The following RBPMS2 variants were observed in gnomAD, a reference collection of about 807,000 sequenced individuals.
The protein encoded by RBPMS2 is RNA binding protein, mRNA processing factor 2.
RBPMS2 carries 14 observed loss-of-function variants against 25.7 expected under a neutral mutation model. The observed-to-expected ratio is 0.55, with a 90% CI of 0.36 to 0.85. RBPMS2 has a LOEUF of 0.85. Ranked by LOEUF, RBPMS2 falls within the 40% of genes least tolerant of loss-of-function variation. The pLI, the probability that RBPMS2 is intolerant of heterozygous loss-of-function variation, is 0.01. For synonymous variants in RBPMS2, 127 were observed against 115.6 expected, an observed-to-expected ratio of 1.10 and a Z score of -0.63; for missense variants, 252 against 283.4, an observed-to-expected ratio of 0.89 and a Z score of 0.80.
At chr15:64,764,519 G>A (rs184258907) in intron 1 of RBPMS2, among the ~76,000 whole-genome samples, 2 of 152,310 alleles carry the variant, frequency 1.3e-5, no homozygotes, top group African/African-American at 4.8e-5. Context: ...AGAGGTAGAA[G>A]CTGCTTCTGC....
chr15:64,757,223 T>C (rs547661149), intron 1 of RBPMS2, among the ~76,000 whole-genome samples: 13 of 152,112 alleles, frequency 8.5e-5, no homozygotes, highest in African/African-American at 2.9e-4. Flanking sequence ...CCTTCTGCCC[T>C]GGCCTCCCCA....
At chr15:64,741,322 T>G in intron 6 of RBPMS2, 80 bp from the exon 7 acceptor site, 1 of 1,125,260 alleles carries the variant, frequency 8.9e-7, no homozygotes, top group Non-Finnish European at 1.3e-6. Flanking sequence ...GCCATCGGTG[T>G]CCCCGCTGGA....
chr15:64,773,594 C>T (rs940335024), intron 1 of RBPMS2, among the ~76,000 whole-genome samples: 2 of 152,168 alleles, frequency 1.3e-5, no homozygotes, highest in Non-Finnish European at 2.9e-5. Context: ...CTTAGAATGG[C>T]CACATGGGTC....
chr15:64,748,992 C>A lies in RBPMS2; in HGVS notation c.418+8G>T. 6.2e-7 allele frequency: 1 copy of A among 1,613,878 alleles called. No individual in the cohort carries two copies. Among genetic ancestry groups the A allele is most frequent in the Non-Finnish European group, 8.5e-7 (1 of 1,179,836 alleles). On this transcript the variant is annotated splice_region_variant and intron_variant, in intron 5 of 7. Transcript: ENST00000300069. ...CATGAGGGCCTGCCAGCTCAGAGTG[C>A]CACTCACAGGGGTCCCGTGCGATGA...
chr15:64,748,698 C>A, intron 5 of RBPMS2, 131 bp from the exon 6 acceptor site: 1 of 1,149,986 alleles, frequency 8.7e-7, no homozygotes, highest in East Asian at 2.6e-5. Flanking sequence ...CACAGAGGAC[C>A]CCGAGACCAG....
intron 1 of RBPMS2, among the ~76,000 whole-genome samples, chr15:64,775,009 G>A (rs1269096314): frequency 4.0e-5 from 6 of 150,736 alleles, no homozygotes; most frequent in Non-Finnish European, 7.4e-5. Flanking sequence ...CCCGCCTCGA[G>A]CCCGAGAGGG....
intron 6 of RBPMS2, among the ~76,000 whole-genome samples, chr15:64,746,652 G>A (rs1252636985): frequency 6.6e-6 from 1 of 152,210 alleles, no homozygotes; most frequent in Non-Finnish European, 1.5e-5. Flanking sequence ...CTCAGGGCCA[G>A]AGAGCAGTGC....
chr15:64,753,653 C>T (rs761739858), intron 1 of RBPMS2, among the ~76,000 whole-genome samples: 11 of 152,146 alleles, frequency 7.2e-5, no homozygotes, highest in Non-Finnish European at 1.5e-4. Flanking sequence ...CAAGCCCATT[C>T]AGCAGAATCT....
intron 1 of RBPMS2, among the ~76,000 whole-genome samples, chr15:64,770,726 C>T (rs758651165): frequency 1.3e-5 from 2 of 152,162 alleles, no homozygotes; most frequent in Non-Finnish European, 2.9e-5. Flanking sequence ...CCAAATAGCA[C>T]ACTGGATCCA....
intron 1 of RBPMS2, among the ~76,000 whole-genome samples, chr15:64,764,766 A>C (rs1049948803): frequency 1.3e-5 from 2 of 150,546 alleles, no homozygotes; most frequent in Non-Finnish European, 3.0e-5. Context: ...AAGTAAAAAA[A>C]AATTAGCCGG....
chr15:64,760,750 C>T (rs1272777534), intron 1 of RBPMS2, among the ~76,000 whole-genome samples: 10 of 151,668 alleles, frequency 6.6e-5, no homozygotes, highest in Non-Finnish European at 1.2e-4. Context: ...TGCACTGAGC[C>T]GAGATCACGT....
At chr15:64,741,869 A>G (rs1595782907) in intron 6 of RBPMS2, among the ~76,000 whole-genome samples, 1 of 152,268 alleles carries the variant, frequency 6.6e-6, no homozygotes, top group Non-Finnish European at 1.5e-5. Context: ...TAATGTCTCT[A>G]TTAAAACCAA....
intron 6 of RBPMS2, among the ~76,000 whole-genome samples, chr15:64,746,065 G>A (rs2083615953): frequency 6.6e-6 from 1 of 152,164 alleles, no homozygotes; most frequent in African/African-American, 2.4e-5. Context: ...GGGCAGCACT[G>A]TCAGGGGGCA....
chr15:64,751,469 T>G (rs2083679322), intron 2 of RBPMS2, 92 bp downstream of exon 2: 2 of 1,091,948 alleles, frequency 1.8e-6, no homozygotes, highest in Non-Finnish European at 1.4e-6. Context: ...CCTTCCCGCA[T>G]CATCCTGCTG....
intron 1 of RBPMS2, among the ~76,000 whole-genome samples, chr15:64,765,226 C>CAAAAAAAAAAAAAAAAAA (rs34231406): frequency 2.0e-5 from 1 of 50,910 alleles, no homozygotes. Flanking sequence ...GACTCTGTCT[C>CAAAAAAAAAAAAAAAAAA]AAAAAAAAAA....
intron 1 of RBPMS2, among the ~76,000 whole-genome samples, chr15:64,764,077 G>A (rs750745394): frequency 2.6e-5 from 4 of 152,146 alleles, no homozygotes; most frequent in East Asian, 1.9e-4. Flanking sequence ...TGGCTGAAGC[G>A]TGCCTTCCAT....
chr15:64,769,018 G>A (rs1388015543), intron 1 of RBPMS2, among the ~76,000 whole-genome samples: 3 of 135,032 alleles, frequency 2.2e-5, no homozygotes, highest in Non-Finnish European at 3.1e-5. Flanking sequence ...GGAGAATGGC[G>A]TCAACCCGGG....
intron 7 of RBPMS2, 74 bp downstream of exon 7, chr15:64,741,099 G>A: frequency 8.5e-7 from 1 of 1,183,382 alleles, no homozygotes; most frequent in Non-Finnish European, 1.2e-6. Context: ...ACCCGGGGCA[G>A]AGGGAGGAAC....
At chr15:64,753,842 G>A (rs1238934249) in intron 1 of RBPMS2, among the ~76,000 whole-genome samples, 2 of 152,108 alleles carry the variant, frequency 1.3e-5, no homozygotes, top group Non-Finnish European at 2.9e-5. Flanking sequence ...AGCATCTGGG[G>A]GTCTGGATAG....
Sources: allele counts gnomAD v4.1 joint callset (sites outside exome capture counted in the v4.1 genomes callset), GRCh38; gene constraint gnomAD v4.1.1; transcripts MANE v1.5; gene names NCBI Gene and HGNC (gene_info 2026-07-23, HGNC 2026-07-21).